ACSF3: variants seen among roughly 807,000 people sequenced by gnomAD.
The protein encoded by ACSF3 is malonate--CoA ligase ACSF3, mitochondrial.
ACSF3 carries 78 observed loss-of-function variants against 53.2 expected under a neutral mutation model. The ratio of observed to expected loss-of-function variants is 1.47; its 90% CI spans 1.22 to 1.77. ACSF3 has a LOEUF of 1.77. ACSF3 is among the 40% of genes most tolerant of loss of function. The probability of loss-of-function intolerance (pLI) is 0.00; values close to 1 mark genes in which losing one functional copy is unlikely to be tolerated. For missense variants in ACSF3, 937 were observed against 771.1 expected (o/e 1.22, Z -2.55); for synonymous variants, 414 against 333.1 (o/e 1.24, Z -2.65).
At chr16:89,106,203 C>T (rs1975963115) in intron 4 of ACSF3, among the ~76,000 whole-genome samples, 1 of 152,192 alleles carries the variant, frequency 6.6e-6, no homozygotes, top group Non-Finnish European at 1.5e-5. Flanking sequence ...ACGGGAAAGC[C>T]TCAGACCTTC....
chr16:89,124,689 C>G (rs1244499962), intron 7 of ACSF3, among the ~76,000 whole-genome samples: 1 of 47,992 alleles, frequency 2.1e-5, no homozygotes, highest in Non-Finnish European at 4.7e-5. Context: ...CATATGCACA[C>G]ACTGCATGTG....
intron 7 of ACSF3, among the ~76,000 whole-genome samples, chr16:89,127,365 T>C (rs935272926): frequency 7.9e-5 from 12 of 152,038 alleles, no homozygotes; most frequent in African/African-American, 1.4e-4. Context: ...TTTTCTATTA[T>C]TATTATTTTG....
At chr16:89,120,675 C>T in intron 6 of ACSF3, 126 bp from the exon 7 acceptor site, 1 of 905,816 alleles carries the variant, frequency 1.1e-6, no homozygotes, top group Non-Finnish European at 1.9e-6. Flanking sequence ...GGGCACGTCG[C>T]TCCCTCCACA....
intron 4 of ACSF3, among the ~76,000 whole-genome samples, chr16:89,107,012 G>A (rs1410142724): frequency 1.3e-5 from 2 of 152,254 alleles, no homozygotes; most frequent in Admixed American, 6.5e-5. Flanking sequence ...TGCCCTGGCC[G>A]ACTTCCTCAG....
chr16:89,133,185 C>A lies in ACSF3; in HGVS notation c.1289C>A (p.Pro430His). The stretch of plus-strand genomic sequence containing the variant: ...GAGGGGGAGCTGCTGGTGAGGGGAC[C>A]CTCCGTGTTTCGAGAATACTGGAAT... ...EKEGELLVRGPSVFREYWNKP... is the reference protein window; with the variant it reads ...EKEGELLVRGHSVFREYWNKP... The change falls in exon 8 of 11, where the codon CCC becomes CAC. Residue 430 changes from proline (P) to histidine (H), a missense_variant. Pro to His is a moderately conservative substitution (Grantham distance 77). Coordinates refer to ENST00000614302, the MANE Select transcript of ACSF3 (RefSeq NM_001243279.3). The A allele has an allele frequency of 6.2e-7, 1 of 1,614,028 alleles. No individual in the cohort carries two copies. The highest frequency in any genetic ancestry group is 1.3e-5 in the African/African-American group (1 of 75,008).
chr16:89,104,169 G>C (rs911167584), intron 4 of ACSF3, among the ~76,000 whole-genome samples: 5 of 152,214 alleles, frequency 3.3e-5, no homozygotes, highest in Admixed American at 2.0e-4. Flanking sequence ...AGAGCCCTCC[G>C]GTGAGGCCAT....
intron 10 of ACSF3, chr16:89,148,026 G>A (rs1913428722): frequency 6.6e-6 from 1 of 152,114 alleles, no homozygotes; most frequent in Non-Finnish European, 1.5e-5. Context: ...CCAAAACAAA[G>A]GGGCTGCGAG....
chr16:89,144,039 G>A (rs1172114402), intron 8 of ACSF3, among the ~76,000 whole-genome samples: 4 of 152,230 alleles, frequency 2.6e-5, no homozygotes, highest in African/African-American at 7.2e-5. Context: ...CCACAGCCAC[G>A]GCACACATGT....
intron 8 of ACSF3, among the ~76,000 whole-genome samples, chr16:89,134,234 C>A (rs1909949356): frequency 6.6e-6 from 1 of 151,782 alleles, no homozygotes; most frequent in African/African-American, 2.4e-5. Context: ...GGGTTCTTGG[C>A]CTTATGGATT....
intron 4 of ACSF3, among the ~76,000 whole-genome samples, chr16:89,110,565 G>C (rs967665987): frequency 6.6e-6 from 1 of 152,196 alleles, no homozygotes; most frequent in African/African-American, 2.4e-5. Context: ...TCTGGTTTAC[G>C]TCAGTTTTGG....
Position 89,146,069 on chromosome 16 carries a change from G to GGGGGGC in ACSF3, c.1613+20_1613+21insGGGGGC. On this transcript the variant is annotated intron_variant, in intron 10 of 10. Transcript: ENST00000614302. The stretch of plus-strand genomic sequence containing the variant: ...GGCCAGGTAGGGCTGGGTGGGGCGG[G>GGGGGGC]CAGGGAGCACTCATGGGGTCTTGGG... 5.6e-6 allele frequency: 3 copies of GGGGGGC among 534,928 alleles called. No homozygotes were observed. Among genetic ancestry groups the GGGGGGC allele is most frequent in the Non-Finnish European group, 7.6e-6 (2 of 262,906 alleles). 33.1% of individuals were successfully genotyped at this position (534,928 alleles called of 1,614,324 possible).
At chr16:89,118,462 C>G (rs1408519789) in intron 6 of ACSF3, among the ~76,000 whole-genome samples, 1 of 152,236 alleles carries the variant, frequency 6.6e-6, no homozygotes, top group Non-Finnish European at 1.5e-5. Flanking sequence ...GGCTCTAACC[C>G]CCACCCTGGT....
chr16:89,130,234 T>G (rs1909000844), intron 7 of ACSF3, among the ~76,000 whole-genome samples: 1 of 152,200 alleles, frequency 6.6e-6, no homozygotes, highest in Non-Finnish European at 1.5e-5. Flanking sequence ...TTTCATTGGA[T>G]TAGGAATTCT....
intron 9 of ACSF3, among the ~76,000 whole-genome samples, chr16:89,145,731 T>G (rs1356060156): frequency 6.6e-6 from 1 of 152,014 alleles, no homozygotes; most frequent in Non-Finnish European, 1.5e-5. Context: ...GAGTGCCCAG[T>G]CCCCAGATCC....
At position 89,100,858 on chromosome 16, in the gene ACSF3, G is replaced by A. The variant is rs1975213194; in HGVS notation, c.177G>A (p.Leu59=). 1.9e-6 allele frequency: 3 copies of A among 1,613,606 alleles called. No individual in the cohort carries two copies. Among genetic ancestry groups the A allele is most frequent in the East Asian group, 4.5e-5 (2 of 44,882 alleles). ...RALAFGDRIA[L]VDQHGRHTYR... ...TGGCCTTTGGGGACAGAATCGCCCT[G>A]GTTGACCAGCACGGCCGCCACACGT... is the stretch of plus-strand genomic sequence containing the variant. Residue 59 remains leucine, a synonymous_variant, in exon 3 of 11, where the codon CTG becomes CTA. Coordinates refer to ENST00000614302, the MANE Select transcript of ACSF3 (RefSeq NM_001243279.3).
At chr16:89,146,240 G>A (rs545842806) in intron 10 of ACSF3, among the ~76,000 whole-genome samples, 191 bp downstream of exon 10, 3 of 152,194 alleles carry the variant, frequency 2.0e-5, no homozygotes, top group African/African-American at 7.2e-5. Flanking sequence ...GGCAGGAGCC[G>A]TGCTCAGATT....
chr16:89,134,968 G>A (rs1482453031), intron 8 of ACSF3, among the ~76,000 whole-genome samples: 1 of 152,132 alleles, frequency 6.6e-6, no homozygotes, highest in Admixed American at 6.5e-5. Flanking sequence ...GGACACACGT[G>A]GTTGTGTGGC....
intron 7 of ACSF3, among the ~76,000 whole-genome samples, chr16:89,125,604 TTG>T (rs1156522312): frequency 6.6e-6 from 1 of 151,694 alleles, no homozygotes; most frequent in African/African-American, 2.4e-5. Flanking sequence ...GTCACAAGAA[TTG>T]TTTGAGCCTG....
chr16:89,149,383 TA>T (rs1913690833), intron 10 of ACSF3: 1 of 152,222 alleles, frequency 6.6e-6, no homozygotes, highest in Non-Finnish European at 1.5e-5. Flanking sequence ...TGCATTGCTA[TA>T]AATGAAGCCA....
Sources: gnomAD v4.1 joint callset for allele counts (sites outside exome capture counted in the v4.1 genomes callset) on GRCh38, gnomAD v4.1.1 for gene constraint, MANE v1.5 for transcripts, NCBI Gene and HGNC (gene_info 2026-07-23, HGNC 2026-07-21) for gene names.